STAB1: variants seen among roughly 807,000 people sequenced by gnomAD.
STAB1 encodes stabilin-1.
A neutral mutation model predicts 332.4 loss-of-function variants in STAB1; 250 were observed. That is an observed-to-expected ratio of 0.75 (90% CI 0.68 to 0.84). The LOEUF is 0.84. STAB1 is among the 40% of genes least tolerant of loss of function. STAB1 has a pLI of 0.00. For missense variants in STAB1, 3,249 were observed against 3,489.7 expected (o/e 0.93, Z 1.74); for synonymous variants, 1,475 against 1,390.4 (o/e 1.06, Z -1.35).
Position 52,517,026 on chromosome 3 carries a change from A to G in STAB1, c.4406A>G (p.His1469Arg), listed in dbSNP as rs769581703. 2 of 1,608,186 alleles carry G rather than the reference A, an allele frequency of 1.2e-6. No individual in the cohort carries two copies. The highest frequency in any genetic ancestry group is 1.7e-6 in the Non-Finnish European group (2 of 1,177,770). The change falls in exon 42 of 69, where the codon CAT becomes CGT. Residue 1469 changes from histidine (H) to arginine (R), a missense_variant. His to Arg is a conservative substitution (Grantham distance 29). Coordinates refer to ENST00000321725, the MANE Select transcript of STAB1 (RefSeq NM_015136.3). ...CACGGCCATGGGGGCTGCTCCCCTC[A>G]TGCCAACTGTACCAAGGTGGCACCT... is the stretch of plus-strand genomic sequence containing the variant. ...CAHGHGGCSP[H>R]ANCTKVAPGQ...
At position 52,520,302 on chromosome 3, in the gene STAB1, G is replaced by GA. The variant is rs1292434086; in HGVS notation, c.5499+13dup. ...GCCGAACGCGGGCCGTGAGTCTGGG[G>GA]AGAGGGCTTGGATGAAGGGAGTAGG... On this transcript the variant is annotated intron_variant, in intron 52 of 68. Transcript: ENST00000321725. The GA allele has an allele frequency of 6.2e-7, 1 of 1,613,032 alleles. No individual in the cohort carries two copies. The highest frequency in any genetic ancestry group is 2.2e-5 in the East Asian group (1 of 44,882).
Position 52,522,045 on chromosome 3 carries a change from C to T in STAB1, c.6280C>T (p.Leu2094=), listed in dbSNP as rs2079090571. 6.2e-7 allele frequency: 1 copy of T among 1,613,248 alleles called. No homozygotes were observed. Among genetic ancestry groups the T allele is most frequent in the Admixed American group, 1.7e-5 (1 of 60,002 alleles). The change falls in exon 59 of 69, where the codon CTG becomes TTG. Residue 2094 remains leucine (L), a synonymous_variant. Coordinates refer to ENST00000321725, the MANE Select transcript of STAB1 (RefSeq NM_015136.3). ...TCCCTCCCTGCCCTCAGTGGCAGAC[C>T]TGTGCCAGGACGGGCATGGTGGCTG... The part of the protein sequence containing the change: ...GDGRVCTVAD[L]CQDGHGGCSE...
In STAB1 at chr3:52,504,484, A is replaced by G. The variant is rs765071809; in HGVS notation, c.1174A>G (p.Thr392Ala). ...AGACCAGGGCTGCCGGGAAATCCTTACCACAGCGGGCCCTTTCACCGTGCT... is the reference window on the plus strand; with the variant it reads ...AGACCAGGGCTGCCGGGAAATCCTTGCCACAGCGGGCCCTTTCACCGTGCT... ...MMDQGCREIL[T>A]TAGPFTVLVP... is the part of the protein sequence containing the mutation. Residue 392 changes from threonine (T) to alanine (A), a missense_variant, in exon 11 of 69, where the codon ACC (threonine) becomes GCC (alanine). By Grantham distance (58) the Thr-to-Ala change is moderately conservative. Transcript: ENST00000321725. The G allele has an allele frequency of 1.2e-6, 2 of 1,613,860 alleles. No individual in the cohort carries two copies. The highest frequency in any genetic ancestry group is 1.7e-5 in the Admixed American group (1 of 60,016).
intron 43 of STAB1, 67 bp from the exon 44 acceptor site, chr3:52,517,482 AC>A (rs1387027669): frequency 2.7e-5 from 43 of 1,593,572 alleles, no homozygotes; most frequent in Non-Finnish European, 3.5e-5. Flanking sequence ...GAGGGGGGTG[AC>A]CCTTTTACCC....
rs1708698407 is a variant in STAB1, at chr3:52,504,500, T to C, written c.1190T>C (p.Phe397Ser). The C allele has an allele frequency of 2.5e-6, 4 of 1,614,066 alleles. No homozygotes were observed. The highest frequency in any genetic ancestry group is 3.4e-6 in the Non-Finnish European group (4 of 1,180,022). The part of the protein sequence containing the change: ...CREILTTAGP[F>S]TVLVPSVSSF... ...GAAATCCTTACCACAGCGGGCCCTT[T>C]CACCGTGCTGGTGCCATCCGTCTCC... The change falls in exon 11 of 69, where the codon TTC becomes TCC. Residue 397 changes from phenylalanine to serine, a missense_variant. Physicochemically the swap from Phe to Ser is radical, Grantham distance 155 (BLOSUM62 -2). Coordinates refer to ENST00000321725, the MANE Select transcript of STAB1 (RefSeq NM_015136.3).
In STAB1 at chr3:52,518,600, G is replaced by A; in HGVS notation, c.4874G>A (p.Ser1625Asn). ...TIFVPHADLM[S>N]NLSQDELARI... Reference sequence around the variant, plus strand: ...TTCGTGCCGCACGCAGATCTAATGAGCAACCTGTCGCAGGTATGCAGCCCC... The same window carrying A: ...TTCGTGCCGCACGCAGATCTAATGAACAACCTGTCGCAGGTATGCAGCCCC... The change falls in exon 47 of 69, where the codon AGC becomes AAC. Residue 1625 changes from serine (S) to asparagine (N), a missense_variant. Transcript: ENST00000321725. 1 of 1,605,414 alleles carries A rather than the reference G, an allele frequency of 6.2e-7. No individual in the cohort carries two copies. The highest frequency in any genetic ancestry group is 8.5e-7 in the Non-Finnish European group (1 of 1,176,426).
intron 11 of STAB1, 71 bp from the exon 12 acceptor site, chr3:52,504,668 A>G (rs1356194919): frequency 8.1e-6 from 13 of 1,612,208 alleles, no homozygotes; most frequent in Non-Finnish European, 1.0e-5. Flanking sequence ...TGTCCCCTCC[A>G]TTGCTGGGTA....
rs184669399 is a variant in STAB1, at chr3:52,503,392, C to T, written c.743C>T (p.Ser248Leu). The change falls in exon 8 of 69, where the codon TCG (serine) becomes TTG (leucine). Residue 248 changes from serine to leucine, a missense_variant. By Grantham distance (145) the Ser-to-Leu change is moderately radical. Transcript: ENST00000321725. Reference sequence around the variant, plus strand: ...CCCTGCTCACTGCTGGCCCAGTGCTCGGTGAGCCCCAAGGGGCAGGCTCAG... The same window carrying T: ...CCCTGCTCACTGCTGGCCCAGTGCTTGGTGAGCCCCAAGGGGCAGGCTCAG... The part of the protein sequence containing the change: ...PSPCSLLAQC[S>L]VSPKGQAQCH... The T allele has an allele frequency of 4.7e-5, 76 of 1,613,512 alleles. 1 individual carries two copies. The highest frequency in any genetic ancestry group is 4.0e-4 in the East Asian group (18 of 44,874).
At position 52,503,441 on chromosome 3, in the gene STAB1, T is replaced by C. The variant is rs373700812; in HGVS notation, c.792T>C (p.His264=). The C allele has an allele frequency of 5.6e-6, 9 of 1,613,662 alleles. No individual in the cohort carries two copies. Among genetic ancestry groups the C allele is most frequent in the Non-Finnish European group, 6.8e-6 (8 of 1,180,028 alleles). ...AGTGTCACTGCCCTGAGAACTACCA[T>C]GGCGATGGGATGGTGTGTCTGCCCA... ...QAQCHCPENY[H]GDGMVCLPKD... is the part of the protein sequence containing the mutation. Residue 264 remains histidine (H), a synonymous_variant, in exon 8 of 69, where the codon CAT becomes CAC. Transcript: ENST00000321725.
Position 52,513,870 on chromosome 3 carries a change from T to C in STAB1, c.3349-13T>C, listed in dbSNP as rs765229155. The C allele has an allele frequency of 8.1e-6, 13 of 1,610,376 alleles. No homozygotes were observed. In the African/African-American group the frequency reaches 1.7e-4, roughly 22 times the overall value. ...GCAATGACATACTGACCAGGCCCTG[T>C]GCTCTGTACCAGGTCTTACTGCCCC... On this transcript the variant is annotated splice_polypyrimidine_tract_variant and intron_variant, in intron 31 of 68. Coordinates refer to ENST00000321725, the MANE Select transcript of STAB1 (RefSeq NM_015136.3).
chr3:52,499,377 G>A (rs1381413921), intron 1 of STAB1, among the ~76,000 whole-genome samples: 2 of 152,238 alleles, frequency 1.3e-5, no homozygotes, highest in Non-Finnish European at 2.9e-5. Context: ...GCATCCTTGT[G>A]CCCATGCCGT....
Position 52,522,397 on chromosome 3 carries a change from A to G in STAB1, c.6533A>G (p.Glu2178Gly), listed in dbSNP as rs1575370338. 6.2e-7 allele frequency: 1 copy of G among 1,612,942 alleles called. No homozygotes were observed. The highest frequency in any genetic ancestry group is 2.2e-5 in the East Asian group (1 of 44,876). Residue 2178 changes from glutamate (E) to glycine (G), a missense_variant, in exon 60 of 69, where the codon GAA becomes GGA. Coordinates refer to ENST00000321725, the MANE Select transcript of STAB1 (RefSeq NM_015136.3). ...GDGLQCLEES[E>G]PPVDRCLGQP... Reference sequence around the variant, plus strand: ...GGACTGCAGTGTCTGGAGGAGTCGGAACCACCTGTGGACCGCTGCTTGGGC... The same window carrying G: ...GGACTGCAGTGTCTGGAGGAGTCGGGACCACCTGTGGACCGCTGCTTGGGC...
In STAB1 at chr3:52,516,694, G is replaced by A; in HGVS notation, c.4289G>A (p.Cys1430Tyr). The change falls in exon 41 of 69, where the codon TGC becomes TAC. Residue 1430 changes from cysteine to tyrosine, a missense_variant and splice_region_variant. Coordinates refer to ENST00000321725, the MANE Select transcript of STAB1 (RefSeq NM_015136.3). ...GCTGCTGCTACCACCCCTCCCAGCT[G>A]CGTGCAGGACTCGGCCGGAGCCTCC... ...CPRKCDPNAN[C>Y]VQDSAGASTC... 1 of 1,612,434 alleles carries A rather than the reference G, an allele frequency of 6.2e-7. No homozygotes were observed.
rs760755288 is a variant in STAB1 at position 52,512,623 on chromosome 3, A to G, written c.3007A>G (p.Ile1003Val). Reference sequence around the variant, plus strand: ...GCTGGAGGCAAATGCCCACTTCTCCATCTTCTACCAATGGCTTAAGGTAGG... The same window carrying G: ...GCTGGAGGCAAATGCCCACTTCTCCGTCTTCTACCAATGGCTTAAGGTAGG... The part of the protein sequence containing the change: ...RELEANAHFS[I>V]FYQWLKSAGI... Residue 1003 changes from isoleucine (I) to valine (V), a missense_variant, in exon 28 of 69, where the codon ATC becomes GTC. Coordinates refer to ENST00000321725, the MANE Select transcript of STAB1 (RefSeq NM_015136.3). The G allele has an allele frequency of 8.7e-6, 14 of 1,613,702 alleles. No homozygotes were observed. The highest frequency in any genetic ancestry group is 1.2e-5 in the Non-Finnish European group (14 of 1,180,014).
rs762500329 is a variant in STAB1, at chr3:52,510,048, T to A, written c.2526T>A (p.Gly842=). The A allele has an allele frequency of 6.2e-7, 1 of 1,609,078 alleles. No homozygotes were observed. Among genetic ancestry groups the A allele is most frequent in the Non-Finnish European group, 8.5e-7 (1 of 1,177,238 alleles). ...ATGCCCGCTGTGTTAGCCAGGAGGG[T>A]GTTGCCAGGTGAGGACCCACACCTT... The part of the protein sequence containing the change: ...HLHARCVSQE[G]VARCRCLDGF... Residue 842 remains glycine, a synonymous_variant, in exon 23 of 69, where the codon GGT becomes GGA. Transcript: ENST00000321725.
intron 43 of STAB1, 25 bp from the exon 44 acceptor site, chr3:52,517,525 C>A: frequency 1.9e-6 from 3 of 1,610,014 alleles, no homozygotes; most frequent in Non-Finnish European, 2.5e-6. Flanking sequence ...CTCCCAGCAG[C>A]CCCACTGATC....
rs1462173758 is a variant in STAB1, at chr3:52,521,716, C to T, written c.6163+16C>T. On this transcript the variant is annotated intron_variant, in intron 57 of 68. Coordinates refer to ENST00000321725, the MANE Select transcript of STAB1 (RefSeq NM_015136.3). Reference sequence around the variant, plus strand: ...GTGCAACTGGGTGAGTAGCCCCGTGCTCGTGCCCACCCTACACACTTGTGT... The same window carrying T: ...GTGCAACTGGGTGAGTAGCCCCGTGTTCGTGCCCACCCTACACACTTGTGT... 5.0e-6 allele frequency: 8 copies of T among 1,611,908 alleles called. No homozygotes were observed. Among genetic ancestry groups the T allele is most frequent in the Non-Finnish European group, 5.9e-6 (7 of 1,179,474 alleles).
intron 45 of STAB1, 125 bp downstream of exon 45, chr3:52,518,128 C>A: frequency 6.7e-7 from 1 of 1,496,672 alleles, no homozygotes. Context: ...GAGCCTGACC[C>A]CTGATTGTAC....
intron 1 of STAB1, among the ~76,000 whole-genome samples, chr3:52,497,132 C>A (rs897262589): frequency 6.6e-6 from 1 of 151,934 alleles, no homozygotes; most frequent in African/African-American, 2.4e-5. Flanking sequence ...CTCCCGAGAA[C>A]TGGGATTACA....
Sources: gnomAD v4.1 joint callset for allele counts (sites outside exome capture counted in the v4.1 genomes callset) on GRCh38, gnomAD v4.1.1 for gene constraint, MANE v1.5 for transcripts, NCBI Gene and HGNC (gene_info 2026-07-23, HGNC 2026-07-21) for gene names.